GRIN2B: variants seen among roughly 807,000 people sequenced by gnomAD.
GRIN2B encodes glutamate receptor ionotropic, NMDA 2B.
A neutral mutation model predicts 114.5 loss-of-function variants in GRIN2B; 5 were observed. The ratio of observed to expected loss-of-function variants is 0.04; its 90% CI spans 0.02 to 0.09. The LOEUF is 0.09. Ranked by LOEUF, GRIN2B falls within the 10% of genes least tolerant of loss-of-function variation. GRIN2B has a pLI of 1.00. For synonymous variants in GRIN2B, 787 were observed against 745.1 expected (o/e 1.06, Z -0.92); for missense variants, 1,108 against 1,943.5 (o/e 0.57, Z 8.08).
At chr12:13,641,075 A>C (rs1591654622) in intron 5 of GRIN2B, among the ~76,000 whole-genome samples, 1 of 149,006 alleles carries the variant, frequency 6.7e-6, no homozygotes, top group Admixed American at 6.7e-5. Flanking sequence ...TATCATGCTT[A>C]TTATTATTAT....
At chr12:13,875,970 A>G (rs1187254524) in intron 2 of GRIN2B, among the ~76,000 whole-genome samples, 1 of 152,238 alleles carries the variant, frequency 6.6e-6, no homozygotes, top group Non-Finnish European at 1.5e-5. Flanking sequence ...AATAAACAGG[A>G]AATTACAGTA....
intron 10 of GRIN2B, among the ~76,000 whole-genome samples, chr12:13,579,767 C>T (rs182017930): frequency 2.0e-5 from 3 of 152,054 alleles, no homozygotes; most frequent in Admixed American, 1.3e-4. Flanking sequence ...GTGCTACAGT[C>T]GGATAAGAAG....
chr12:13,567,291 G>A, intron 12 of GRIN2B, 28 bp from the exon 13 acceptor site: 1 of 1,506,592 alleles, frequency 6.6e-7, no homozygotes, highest in Non-Finnish European at 9.2e-7. Context: ...AAGGAAAATG[G>A]ATAAAAAGAG....
At chr12:13,962,519 G>T (rs1343696431) in intron 2 of GRIN2B, among the ~76,000 whole-genome samples, 6 of 152,192 alleles carry the variant, frequency 3.9e-5, no homozygotes, top group Non-Finnish European at 8.8e-5. Context: ...GAAACAATTT[G>T]AAATTGATTT....
chr12:13,808,702 C>T (rs1035646227), intron 3 of GRIN2B, among the ~76,000 whole-genome samples: 5 of 147,100 alleles, frequency 3.4e-5, no homozygotes, highest in African/African-American at 1.2e-4. Flanking sequence ...ATGTAACAAA[C>T]CTGCACATTA....
chr12:13,790,431 A>G (rs1161553583), intron 3 of GRIN2B, among the ~76,000 whole-genome samples: 2 of 152,212 alleles, frequency 1.3e-5, no homozygotes, highest in Non-Finnish European at 2.9e-5. Context: ...TAATAGAAAC[A>G]AAGAAGCTTA....
chr12:13,979,544 A>G (rs1863093584), intron 2 of GRIN2B, among the ~76,000 whole-genome samples: 1 of 152,000 alleles, frequency 6.6e-6, no homozygotes, highest in Non-Finnish European at 1.5e-5. Flanking sequence ...AAAAAAAAAA[A>G]AGGATTTCTA....
intron 10 of GRIN2B, among the ~76,000 whole-genome samples, chr12:13,607,080 C>A (rs1394742095): frequency 7.0e-6 from 1 of 143,256 alleles, no homozygotes; most frequent in African/African-American, 2.6e-5. Flanking sequence ...CTAGTAACAC[C>A]CCACACTGGC....
chr12:13,568,911 C>T (rs1217669437), intron 12 of GRIN2B, among the ~76,000 whole-genome samples: 1 of 152,142 alleles, frequency 6.6e-6, no homozygotes, highest in Non-Finnish European at 1.5e-5. Context: ...TGGTGTCTGC[C>T]TCTGAGGACC....
At chr12:13,788,925 A>G (rs920145392) in intron 3 of GRIN2B, among the ~76,000 whole-genome samples, 1 of 152,154 alleles carries the variant, frequency 6.6e-6, no homozygotes, top group Non-Finnish European at 1.5e-5. Flanking sequence ...GGAACATGAA[A>G]CTGGCAATGG....
At chr12:13,576,233 G>A (rs140862516) in intron 10 of GRIN2B, among the ~76,000 whole-genome samples, 23 of 152,312 alleles carry the variant, frequency 1.5e-4, no homozygotes, top group East Asian at 1.2e-3. Context: ...AGGGAGGCCC[G>A]TGGGGAAGAA....
rs1948479200 is a variant in GRIN2B at position 13,556,351 on chromosome 12, T to C, written c.*6432A>G. On this transcript the variant is annotated 3_prime_UTR_variant, in exon 14 of 14. Coordinates refer to ENST00000609686, the MANE Select transcript of GRIN2B (RefSeq NM_000834.5). ...TTTATACATACATTTACATATTTTA[T>C]ACTTATGCTTTCATATATTCTACGT... 1 of 152,214 alleles carries C rather than the reference T, an allele frequency of 6.6e-6. No homozygotes were observed. Among genetic ancestry groups the C allele is most frequent in the Non-Finnish European group, 1.5e-5 (1 of 68,038 alleles). The allele number at this position is 152,214 out of a possible 1,614,324, so 9.4% of individuals were successfully genotyped here.
Position 13,970,686 on chromosome 12 carries a change from A to AACACACACACACACAC in GRIN2B, c.-19+9226_-19+9241dup, listed in dbSNP as rs5796570. On this transcript the variant is annotated intron_variant, in intron 2 of 13. Transcript: ENST00000609686. ...ATTTCTCTTCTACATGCAGGCTCTA[A>AACACACACACACACAC]ACACACACACACACACACACACACA... Among the ~76,000 whole-genome samples, 258 of 145,124 alleles carry AACACACACACACACAC rather than the reference A, an allele frequency of 1.8e-3. 4 individuals are homozygous for AACACACACACACACAC. Among genetic ancestry groups the AACACACACACACACAC allele is most frequent in the African/African-American group, 6.3e-3 (242 of 38,546 alleles).
chr12:13,794,236 A>G (rs1387705752), intron 3 of GRIN2B, among the ~76,000 whole-genome samples: 2 of 151,298 alleles, frequency 1.3e-5, no homozygotes, highest in African/African-American at 4.9e-5. Context: ...AAAAGAAAAG[A>G]AAAAAAGAAA....
At chr12:13,841,983 C>A (rs574596502) in intron 3 of GRIN2B, among the ~76,000 whole-genome samples, 1 of 152,202 alleles carries the variant, frequency 6.6e-6, no homozygotes, top group South Asian at 2.1e-4. Flanking sequence ...AATAATTAGT[C>A]TGCAAATTGA....
rs375940899 is a variant in GRIN2B, at chr12:13,825,496, T to TTTTTGTGTG, written c.411+40301_411+40302insCACACAAAA. ...TATATATAATAAATATATATATATT[T>TTTTTGTGTG]TGTGTGTGTGTGTGTGTGTGTGTGT... is the stretch of plus-strand genomic sequence containing the variant. On this transcript the variant is annotated intron_variant, in intron 3 of 13. Transcript: ENST00000609686. Among the ~76,000 whole-genome samples, 186 of 122,966 alleles carry TTTTTGTGTG rather than the reference T, an allele frequency of 1.5e-3. 1 individual carries two copies. The highest frequency in any genetic ancestry group is 6.7e-3 in the East Asian group (30 of 4,468). 80.7% of individuals were successfully genotyped at this position (122,966 alleles called of 152,430 possible).
chr12:13,811,388 A>T (rs892347540), intron 3 of GRIN2B, among the ~76,000 whole-genome samples: 7 of 152,226 alleles, frequency 4.6e-5, no homozygotes, highest in Non-Finnish European at 1.0e-4. Flanking sequence ...GTTAAAGACC[A>T]GCATGTGCAA....
intron 2 of GRIN2B, among the ~76,000 whole-genome samples, chr12:13,971,595 C>A (rs1409668878): frequency 6.6e-6 from 1 of 152,158 alleles, no homozygotes; most frequent in Non-Finnish European, 1.5e-5. Flanking sequence ...ACCATTCACA[C>A]CCCTCACCAA....
intron 3 of GRIN2B, among the ~76,000 whole-genome samples, chr12:13,825,053 T>C (rs974439022): frequency 2.0e-5 from 3 of 152,102 alleles, no homozygotes; most frequent in African/African-American, 7.2e-5. Flanking sequence ...TTGAATATAA[T>C]CATTTAATTT....
Sources: allele counts gnomAD v4.1 joint callset (sites outside exome capture counted in the v4.1 genomes callset), GRCh38; gene constraint gnomAD v4.1.1; transcripts MANE v1.5; gene names NCBI Gene and HGNC (gene_info 2026-07-23, HGNC 2026-07-21).